NDC80: variants seen among roughly 807,000 people sequenced by gnomAD.
NDC80 encodes NDC80 kinetochore complex component.
In NDC80, 69 loss-of-function variants were observed where a neutral mutation model predicts 89.3. The observed-to-expected ratio is 0.77, with a 90% CI of 0.64 to 0.94. The LOEUF (loss-of-function observed/expected upper bound fraction) is 0.94, where lower values mean the gene tolerates loss of function less well. Among genes scored for constraint, NDC80 ranks in the 40% least tolerant of loss-of-function variants. The pLI is 0.00. For synonymous variants in NDC80, 243 were observed against 255.6 expected, an observed-to-expected ratio of 0.95 and a Z score of 0.47; for missense variants, 593 against 739.6, an observed-to-expected ratio of 0.80 and a Z score of 2.30.
intron 6 of NDC80, among the ~76,000 whole-genome samples, chr18:2,583,443 G>A (rs1034410398): frequency 6.6e-6 from 1 of 152,178 alleles, no homozygotes; most frequent in South Asian, 2.1e-4. Context: ...GCTCATGCCT[G>A]TAATCCCAAC....
chr18:2,610,859 G>T lies in NDC80; in HGVS notation c.1789G>T (p.Glu597Ter). Residue 597 changes from glutamate to a stop codon, truncating the protein, a stop_gained and splice_region_variant, in exon 16 of 17, where the codon GAG (glutamate) becomes TAG (stop). Transcript: ENST00000261597. LOFTEE classifies it high-confidence loss of function. ...GGTTGCTACACATGTTGGGTCTGTA[G>T]AGGTAAGTATGTGATGGTCTTTCCT... ...EMVATHVGSV[E>*]KHLEEQIAKV... 1 of 1,528,686 alleles carries T rather than the reference G, an allele frequency of 6.5e-7. No individual in the cohort carries two copies. The highest frequency in any genetic ancestry group is 1.3e-5 in the South Asian group (1 of 79,902). The allele number at this position is 1,528,686 out of a possible 1,614,324, so 94.7% of individuals were successfully genotyped here.
chr18:2,601,425 T>C lies in NDC80; in HGVS notation c.1404T>C (p.Thr468=). The change falls in exon 13 of 17, where the codon ACT becomes ACC. Residue 468 remains threonine (T), a synonymous_variant. Coordinates refer to ENST00000261597, the MANE Select transcript of NDC80 (RefSeq NM_006101.3). ...CTCTTAAGGAACTCCTGAATGAAAC[T>C]GAAGAAGAAATTAATAAAGCCCTAA... The part of the protein sequence containing the change: ...YVPLKELLNE[T]EEEINKALNK... 1 of 1,526,986 alleles carries C rather than the reference T, an allele frequency of 6.5e-7. No homozygotes were observed. Among genetic ancestry groups the C allele is most frequent in the African/African-American group, 1.4e-5 (1 of 72,470 alleles). The allele number at this position is 1,526,986 out of a possible 1,614,324, so 94.6% of individuals were successfully genotyped here. A position where few individuals can be genotyped will look rare whatever the true frequency, so the allele number is the denominator to read the frequency against.
At chr18:2,603,229 G>A (rs2072692870) in intron 13 of NDC80, among the ~76,000 whole-genome samples, 2 of 151,810 alleles carry the variant, frequency 1.3e-5, no homozygotes, top group African/African-American at 4.8e-5. Flanking sequence ...AGGGGAAAGT[G>A]GCAGAGGATT....
At chr18:2,575,606 T>C (rs2072542391) in intron 3 of NDC80, among the ~76,000 whole-genome samples, 1 of 151,234 alleles carries the variant, frequency 6.6e-6, no homozygotes, top group Admixed American at 6.6e-5. Context: ...ACCCTGTCTC[T>C]ACAAAAAAAA....
In NDC80 at chr18:2,608,821, T is replaced by C; in HGVS notation, c.1679T>C (p.Val560Ala). The C allele has an allele frequency of 6.2e-7, 1 of 1,607,474 alleles. No individual in the cohort carries two copies. Among genetic ancestry groups the C allele is most frequent in the Non-Finnish European group, 8.5e-7 (1 of 1,175,032 alleles). The change falls in exon 15 of 17, where the codon GTT becomes GCT. Residue 560 changes from valine (V) to alanine (A), a missense_variant. Coordinates refer to ENST00000261597, the MANE Select transcript of NDC80 (RefSeq NM_006101.3). The part of the protein sequence containing the change: ...LSEAMNELDA[V>A]QREYQLVVQT... ...GAAGCTATGAATGAATTAGATGCTG[T>C]TCAGCGGGAGTAAGTTTATCTCACC...
chr18:2,614,652 A>G lies in NDC80; in HGVS notation c.1792-1785A>G, dbSNP rs1349981896. On this transcript the variant is annotated intron_variant, in intron 16 of 16. Coordinates refer to ENST00000261597, the MANE Select transcript of NDC80 (RefSeq NM_006101.3). The stretch of plus-strand genomic sequence containing the variant: ...AAGAAAGAAAGAAAGAAAGAAAGAA[A>G]GAAATAAATTTGGCAATCCGAAAAA... Among the ~76,000 whole-genome samples the G allele has an allele frequency of 1.1e-4, 10 of 91,838 alleles. 2 individuals carry two copies. Among genetic ancestry groups the G allele is most frequent in the Non-Finnish European group, 2.4e-4 (10 of 40,930 alleles). 60.2% of individuals were successfully genotyped at this position (91,838 alleles called of 152,430 possible). A position where few individuals can be genotyped will look rare whatever the true frequency, so the allele number is the denominator to read the frequency against.
intron 13 of NDC80, among the ~76,000 whole-genome samples, chr18:2,603,837 C>T (rs1334392508): frequency 1.3e-5 from 2 of 152,080 alleles, no homozygotes; most frequent in East Asian, 1.9e-4. Flanking sequence ...ACTCCAATAA[C>T]GGATAATTTC....
At chr18:2,610,724 C>T (rs1345330566) in intron 15 of NDC80, 35 bp from the exon 16 acceptor site, 3 of 1,444,592 alleles carry the variant, frequency 2.1e-6, no homozygotes, top group Non-Finnish European at 2.8e-6. Flanking sequence ...TAATTTTTTT[C>T]CTGGACAACT....
Position 2,608,774 on chromosome 18 carries a change from T to C in NDC80, c.1632T>C (p.Ser544=), listed in dbSNP as rs777439577. The C allele has an allele frequency of 3.1e-6, 5 of 1,613,386 alleles. No homozygotes were observed. In the South Asian group the frequency reaches 5.5e-5, roughly 18 times the overall value. The change falls in exon 15 of 17, where the codon AGT becomes AGC. Residue 544 remains serine, a synonymous_variant. Transcript: ENST00000261597. ...AGAAACACAAGCACCTGCTAGAAAG[T>C]ACTGTTAACCAGGGGCTCAGTGAAG... The part of the protein sequence containing the change: ...SLEKHKHLLE[S]TVNQGLSEAM...
intron 12 of NDC80, among the ~76,000 whole-genome samples, chr18:2,599,426 G>A (rs1181325833): frequency 1.3e-5 from 2 of 151,970 alleles, no homozygotes; most frequent in South Asian, 2.1e-4. Context: ...TCCCCCCAGA[G>A]GAGAAAGACA....
At chr18:2,577,685 A>G (rs2072554168) in intron 3 of NDC80, 61 bp from the exon 4 acceptor site, 1 of 1,582,374 alleles carries the variant, frequency 6.3e-7, no homozygotes, top group Non-Finnish European at 8.6e-7. Flanking sequence ...GCCTTGAAAT[A>G]ATTTAGACTT....
chr18:2,614,057 A>G (rs576555541), intron 16 of NDC80, among the ~76,000 whole-genome samples: 1 of 152,352 alleles, frequency 6.6e-6, no homozygotes, highest in East Asian at 1.9e-4. Context: ...ATTTAGTTTG[A>G]TCATTACCAA....
At chr18:2,601,591 C>G in intron 13 of NDC80, 106 bp downstream of exon 13, 1 of 491,124 alleles carries the variant, frequency 2.0e-6, no homozygotes, top group South Asian at 4.8e-5. Context: ...AATTTTTTAA[C>G]AAAACTATGA....
rs34184740 is a variant in NDC80, at chr18:2,608,730, A to G, written c.1588A>G (p.Ser530Gly). ...AGAGGAAGAGGATGAAAAATGTGCCAGTGAGCTTGAGTCCTTGGAGAAACA... is the reference window on the plus strand; with the variant it reads ...AGAGGAAGAGGATGAAAAATGTGCCGGTGAGCTTGAGTCCTTGGAGAAACA... ...EAEEEDEKCA[S>G]ELESLEKHKH... The change falls in exon 15 of 17, where the codon AGT (serine) becomes GGT (glycine). Residue 530 changes from serine (S) to glycine (G), a missense_variant. Transcript: ENST00000261597. 3 of 1,612,688 alleles carry G rather than the reference A, an allele frequency of 1.9e-6. No homozygotes were observed. Among genetic ancestry groups the G allele is most frequent in the African/African-American group, 2.7e-5 (2 of 74,902 alleles).
At chr18:2,601,029 G>T (rs2072681461) in intron 12 of NDC80, among the ~76,000 whole-genome samples, 1 of 152,128 alleles carries the variant, frequency 6.6e-6, no homozygotes, top group Non-Finnish European at 1.5e-5. Flanking sequence ...AGGATTAAGA[G>T]AAATTGATAC....
rs1207171991 is a variant in NDC80, at chr18:2,603,377, A to G, written c.1464+1892A>G. 7.3e-4 allele frequency among the ~76,000 whole-genome samples: 108 copies of G among 147,114 alleles called. 2 individuals carry two copies. The highest frequency in any genetic ancestry group is 2.5e-3 in the African/African-American group (100 of 39,770). The stretch of plus-strand genomic sequence containing the variant: ...TATACATATATATATATATATATAT[A>G]TACACCTATGTAATATATATAAGCC... On this transcript the variant is annotated intron_variant, in intron 13 of 16. Coordinates refer to ENST00000261597, the MANE Select transcript of NDC80 (RefSeq NM_006101.3).
At chr18:2,573,979 A>C (rs1423031646) in intron 2 of NDC80, among the ~76,000 whole-genome samples, 1 of 152,216 alleles carries the variant, frequency 6.6e-6, no homozygotes, top group Non-Finnish European at 1.5e-5. Context: ...GATAATGGAA[A>C]TCATAATGTA....
intron 16 of NDC80, among the ~76,000 whole-genome samples, 184 bp downstream of exon 16, chr18:2,611,045 A>ATTTTT (rs34508122): frequency 1.8e-5 from 2 of 112,538 alleles, no homozygotes; most frequent in African/African-American, 3.4e-5. Context: ...ACACTTGAGC[A>ATTTTT]TTTTTTTTTT....
chr18:2,586,547 T>C (rs2072603909), intron 7 of NDC80, among the ~76,000 whole-genome samples: 1 of 152,100 alleles, frequency 6.6e-6, no homozygotes, highest in Non-Finnish European at 1.5e-5. Context: ...CTAAGCAACA[T>C]GGCGAAACCC....
Sources: allele counts gnomAD v4.1 joint callset (sites outside exome capture counted in the v4.1 genomes callset), GRCh38; gene constraint gnomAD v4.1.1; transcripts MANE v1.5; gene names NCBI Gene and HGNC (gene_info 2026-07-23, HGNC 2026-07-21).